WDR82: variants seen among roughly 807,000 people sequenced by gnomAD.
WDR82 encodes WD repeat-containing protein 82.
A neutral mutation model predicts 36.1 loss-of-function variants in WDR82; 8 were observed. The ratio of observed to expected loss-of-function variants is 0.22; its 90% confidence interval spans 0.13 to 0.40. WDR82 has a LOEUF of 0.40. Ranked by LOEUF, WDR82 falls within the 10% of genes least tolerant of loss-of-function variation. The pLI, the probability that WDR82 is intolerant of heterozygous loss-of-function variation, is 1.00. For synonymous variants in WDR82, 129 were observed against 137.8 expected, an observed-to-expected ratio of 0.94 and a Z score of 0.45; for missense variants, 185 against 400.5, an observed-to-expected ratio of 0.46 and a Z score of 4.59.
Position 52,278,193 on chromosome 3 carries a change from G to A in WDR82, c.161+8C>T. ...GAGACTCGGGCCCAGGGCCTCCGCC[G>A]CACTCACTTGCCCTCCTGGCAGTCA... is the stretch of plus-strand genomic sequence containing the variant. On this transcript the variant is annotated splice_region_variant and intron_variant, in intron 1 of 8. Coordinates refer to ENST00000296490, the MANE Select transcript of WDR82 (RefSeq NM_025222.4). The A allele has an allele frequency of 2.5e-6, 4 of 1,590,440 alleles. No homozygotes were observed. Among genetic ancestry groups the A allele is most frequent in the East Asian group, 2.4e-5 (1 of 42,142 alleles).
At chr3:52,271,646 C>A (rs1486922041) in intron 1 of WDR82, among the ~76,000 whole-genome samples, 1 of 152,056 alleles carries the variant, frequency 6.6e-6, no homozygotes, top group Non-Finnish European at 1.5e-5. Context: ...TGCAAAACTG[C>A]TTGCCTTTGC....
intron 1 of WDR82, among the ~76,000 whole-genome samples, chr3:52,275,709 C>A (rs1700197108): frequency 6.6e-6 from 1 of 152,082 alleles, no homozygotes; most frequent in Non-Finnish European, 1.5e-5. Context: ...CATGGTGAAA[C>A]CCTGCCTCTA....
In WDR82 at chr3:52,278,427, C is replaced by A; in HGVS notation, c.-66G>T. ...CGGGGCCCGGCGGCGAGCGGGCGGG[C>A]TGCCGAGGGGCCAACCCAGGCGGGG... On this transcript the variant is annotated 5_prime_UTR_variant, in exon 1 of 9. Coordinates refer to ENST00000296490, the MANE Select transcript of WDR82 (RefSeq NM_025222.4). 3 of 1,212,488 alleles carry A rather than the reference C, an allele frequency of 2.5e-6. No homozygotes were observed. The highest frequency in any genetic ancestry group is 3.1e-6 in the Non-Finnish European group (3 of 974,024). The allele number at this position is 1,212,488 out of a possible 1,614,324, so 75.1% of individuals were successfully genotyped here.
At chr3:52,270,589 T>A in intron 2 of WDR82, 123 bp downstream of exon 2, 1 of 754,836 alleles carries the variant, frequency 1.3e-6, no homozygotes, top group Non-Finnish European at 2.1e-6. Flanking sequence ...GCAATTAACA[T>A]TACTAACATT....
rs1699993640 is a variant in WDR82, at chr3:52,255,119, TTTAGTAG to T, written c.*2364_*2370del. Reference sequence around the variant, plus strand: ...CACCACGCCCGGCTAATTTTGTATTTTTAGTAGAGATGGGGTTTCTCCATGTTGGTCA... The same window carrying T: ...CACCACGCCCGGCTAATTTTGTATTTAGATGGGGTTTCTCCATGTTGGTCA... On this transcript the variant is annotated 3_prime_UTR_variant, in exon 9 of 9. Transcript: ENST00000296490. 1 of 152,150 alleles carries T rather than the reference TTTAGTAG, an allele frequency of 6.6e-6. No homozygotes were observed. Among genetic ancestry groups the T allele is most frequent in the Non-Finnish European group, 1.5e-5 (1 of 68,050 alleles). 9.4% of individuals were successfully genotyped at this position (152,150 alleles called of 1,614,324 possible). A position where few individuals can be genotyped will look rare whatever the true frequency, so the allele number is the denominator to read the frequency against.
At chr3:52,257,580 T>A in intron 8 of WDR82, 61 bp from the exon 9 acceptor site, 3 of 1,608,512 alleles carry the variant, frequency 1.9e-6, no homozygotes, top group Non-Finnish European at 1.7e-6. Context: ...CCAACGGTTC[T>A]TCACATCCCA....
chr3:52,273,527 G>T (rs978133686), intron 1 of WDR82, among the ~76,000 whole-genome samples: 1 of 151,590 alleles, frequency 6.6e-6, no homozygotes, highest in Admixed American at 6.6e-5. Flanking sequence ...CTTAGATCTG[G>T]TCTATTTGTC....
At chr3:52,265,995 G>A (rs1559454239) in intron 3 of WDR82, among the ~76,000 whole-genome samples, 2 of 152,074 alleles carry the variant, frequency 1.3e-5, no homozygotes, top group Non-Finnish European at 2.9e-5. Context: ...AATACCCCAA[G>A]TGATTAAAAT....
intron 1 of WDR82, 95 bp downstream of exon 1, chr3:52,278,106 G>A (rs1700224040): frequency 2.3e-6 from 3 of 1,331,806 alleles, no homozygotes; most frequent in Non-Finnish European, 2.0e-6. Context: ...ATAGGCTGGG[G>A]GCTGAAGTCG....
At chr3:52,261,621 A>G (rs1458655753) in intron 3 of WDR82, 142 bp from the exon 4 acceptor site, 15 of 581,686 alleles carry the variant, frequency 2.6e-5, no homozygotes, top group African/African-American at 3.9e-5. Flanking sequence ...TAAAACACAC[A>G]TACCACAACC....
intron 3 of WDR82, among the ~76,000 whole-genome samples, chr3:52,266,362 G>A (rs1364342579): frequency 1.3e-5 from 2 of 151,630 alleles, no homozygotes; most frequent in African/African-American, 4.8e-5. Flanking sequence ...ATTTTTTCTA[G>A]TTTTATATGT....
rs1285409966 is a variant in WDR82 at position 52,255,962 on chromosome 3, TCAAA to T, written c.*1524_*1527del. 1 of 152,876 alleles carries T rather than the reference TCAAA, an allele frequency of 6.5e-6. No individual in the cohort carries two copies. Among genetic ancestry groups the T allele is most frequent in the Non-Finnish European group, 1.5e-5 (1 of 68,092 alleles). The allele number at this position is 152,876 out of a possible 1,614,324, so 9.5% of individuals were successfully genotyped here. A position where few individuals can be genotyped will look rare whatever the true frequency, so the allele number is the denominator to read the frequency against. Reference sequence around the variant, plus strand: ...GTGATCTATCATTGGCAACGAGGCCTCAAACAAACTGCAAATGCTCTGGCTTCAG... The same window carrying T: ...GTGATCTATCATTGGCAACGAGGCCTCAAACTGCAAATGCTCTGGCTTCAG... On this transcript the variant is annotated 3_prime_UTR_variant, in exon 9 of 9. Coordinates refer to ENST00000296490, the MANE Select transcript of WDR82 (RefSeq NM_025222.4).
intron 1 of WDR82, among the ~76,000 whole-genome samples, chr3:52,274,919 C>CA (rs747041223): frequency 1.0e-4 from 11 of 106,538 alleles, no homozygotes; most frequent in African/African-American, 5.7e-4. Context: ...CAAAACAAAA[C>CA]AAACAAACAA....
At chr3:52,263,262 G>GT (rs1370091138) in intron 3 of WDR82, among the ~76,000 whole-genome samples, 1 of 152,172 alleles carries the variant, frequency 6.6e-6, no homozygotes, top group Non-Finnish European at 1.5e-5. Flanking sequence ...GACCCCGACC[G>GT]TAAGGAATTT....
intron 7 of WDR82, 89 bp downstream of exon 7, chr3:52,259,108 A>G (rs1700037490): frequency 1.5e-6 from 2 of 1,311,510 alleles, no homozygotes; most frequent in Admixed American, 4.0e-5. Flanking sequence ...CATCTATCAA[A>G]TAGATAATAA....
At chr3:52,272,512 C>A (rs536524976) in intron 1 of WDR82, among the ~76,000 whole-genome samples, 2 of 139,412 alleles carry the variant, frequency 1.4e-5, no homozygotes, top group Non-Finnish European at 3.0e-5. Context: ...CCACTGCACT[C>A]TAGCCTGGGC....
intron 2 of WDR82, 43 bp downstream of exon 2, chr3:52,270,669 C>T: frequency 1.3e-6 from 2 of 1,481,674 alleles, no homozygotes; most frequent in South Asian, 2.4e-5. Context: ...AACTATTTAA[C>T]AAAGGAAACC....
At chr3:52,273,267 T>C (rs1163880282) in intron 1 of WDR82, among the ~76,000 whole-genome samples, 1 of 152,000 alleles carries the variant, frequency 6.6e-6, no homozygotes, top group African/African-American at 2.4e-5. Flanking sequence ...CCATCTCTAC[T>C]AAAAATTAAA....
At chr3:52,268,512 T>C (rs897930276) in intron 2 of WDR82, among the ~76,000 whole-genome samples, 1 of 152,244 alleles carries the variant, frequency 6.6e-6, no homozygotes, top group African/African-American at 2.4e-5. Flanking sequence ...AGAATCCTCA[T>C]TTAATCACTC....
Sources: allele counts gnomAD v4.1 joint callset (sites outside exome capture counted in the v4.1 genomes callset), GRCh38; gene constraint gnomAD v4.1.1; transcripts MANE v1.5; gene names NCBI Gene and HGNC (gene_info 2026-07-23, HGNC 2026-07-21).